The following DCAF8L2 variants were observed in gnomAD, a reference collection of about 807,000 sequenced individuals.
DCAF8L2 encodes DDB1- and CUL4-associated factor 8-like protein 2.
For missense variants in DCAF8L2, 430 were observed against 490.7 expected (o/e 0.88, Z 1.17); for synonymous variants, 200 against 190.9 (o/e 1.05, Z -0.39).
chrX:27,662,781 T>A (rs990509585), intron 2 of DCAF8L2, among the ~76,000 whole-genome samples: 19 of 111,683 alleles, frequency 1.7e-4, no homozygotes, highest in Non-Finnish European at 3.4e-4. Flanking sequence ...AAATTTATAA[T>A]CCAGATGACC....
At chrX:27,488,173 T>G in the DCAF8L2 span, among the ~76,000 whole-genome samples, 1 of 111,661 alleles carries the variant, frequency 9.0e-6, no homozygotes, top group Non-Finnish European at 1.9e-5. Context: ...TTTAGTGCTT[T>G]ATTATTACCA....
chrX:27,686,562 G>A (rs1602784), intron 3 of DCAF8L2, among the ~76,000 whole-genome samples: 10,409 of 110,795 alleles, frequency 0.094, 471 homozygotes, highest in East Asian at 0.35. Flanking sequence ...TAGAATGGTG[G>A]TTACCAGAGG....
chrX:27,582,770 A>G, the DCAF8L2 span, among the ~76,000 whole-genome samples: 1 of 111,100 alleles, frequency 9.0e-6, no homozygotes, highest in East Asian at 2.8e-4. Context: ...ATCTCTAAGT[A>G]TCGTTTGATT....
rs775167857 is a variant in DCAF8L2, at chrX:27,701,484, T to A, written c.-142-14604T>A. ...TGCCAATCTATAAAACAAGCCTCAA[T>A]AAACGTGAAAGGACTGAAATTAATA... On this transcript the variant is annotated intron_variant, in intron 3 of 4. Coordinates refer to ENST00000451261, the MANE Select transcript of DCAF8L2 (RefSeq NM_001353450.2). Among the ~76,000 whole-genome samples, 4 of 110,683 alleles carry A rather than the reference T, an allele frequency of 3.6e-5. No individual in the cohort carries two copies. In the South Asian group the frequency reaches 1.5e-3, roughly 42 times the overall value.
the DCAF8L2 span, among the ~76,000 whole-genome samples, chrX:27,512,025 G>A: frequency 7.1e-5 from 8 of 111,892 alleles, no homozygotes; most frequent in South Asian, 3.0e-3. Context: ...AACTCTTTGT[G>A]AGGCTGAGGT....
the DCAF8L2 span, among the ~76,000 whole-genome samples, chrX:27,572,342 G>A: frequency 1.2e-4 from 13 of 111,497 alleles, no homozygotes; most frequent in African/African-American, 4.2e-4. Context: ...CAGGGACACC[G>A]GGAAAGACCA....
intron 4 of DCAF8L2, among the ~76,000 whole-genome samples, chrX:27,720,098 A>G (rs1639381743): frequency 9.0e-6 from 1 of 110,709 alleles, no homozygotes; most frequent in Non-Finnish European, 1.9e-5. Flanking sequence ...TTTTTTAACC[A>G]TACAGATATC....
At chrX:27,551,381 AT>A in the DCAF8L2 span, among the ~76,000 whole-genome samples, 1 of 111,114 alleles carries the variant, frequency 9.0e-6, no homozygotes, top group African/African-American at 3.3e-5. Flanking sequence ...GATCATTATC[AT>A]TTTTAGCAAT....
At chrX:27,564,409 T>TA in the DCAF8L2 span, among the ~76,000 whole-genome samples, 1 of 111,142 alleles carries the variant, frequency 9.0e-6, no homozygotes, top group Non-Finnish European at 1.9e-5. Context: ...TTTCTGAAAA[T>TA]TTTGAATTTC....
At chrX:27,537,874 A>T in the DCAF8L2 span, among the ~76,000 whole-genome samples, 1 of 112,329 alleles carries the variant, frequency 8.9e-6, no homozygotes, top group African/African-American at 3.2e-5. Context: ...TGAGAAATTG[A>T]TATGTATTAC....
chrX:27,514,437 AG>A, the DCAF8L2 span, among the ~76,000 whole-genome samples: 1 of 108,967 alleles, frequency 9.2e-6, no homozygotes, highest in Non-Finnish European at 1.9e-5. Flanking sequence ...TGGGAGGCCA[AG>A]GCAGGCGGAT....
intron 2 of DCAF8L2, among the ~76,000 whole-genome samples, chrX:27,671,615 C>T (rs1929956374): frequency 9.0e-6 from 1 of 111,682 alleles, no homozygotes; most frequent in Non-Finnish European, 1.9e-5. Flanking sequence ...CATCCTCAGT[C>T]AGATAAAAAC....
chrX:27,615,749 A>G (rs1927443846), intron 1 of DCAF8L2, among the ~76,000 whole-genome samples: 1 of 111,525 alleles, frequency 9.0e-6, no homozygotes, highest in Admixed American at 9.6e-5. Context: ...AACATAGATC[A>G]GAGGAGAATA....
the DCAF8L2 span, among the ~76,000 whole-genome samples, chrX:27,576,421 A>G: frequency 1.1e-4 from 12 of 112,073 alleles, 1 homozygote; most frequent in African/African-American, 3.9e-4. Flanking sequence ...ATCCGGCTAT[A>G]TTAAGAGAAA....
chrX:27,518,866 A>G, the DCAF8L2 span: 1 of 552,066 alleles, frequency 1.8e-6, no homozygotes, highest in African/African-American at 2.3e-5. Flanking sequence ...GACATCTAAA[A>G]TTGGTTTTCC....
At chrX:27,615,524 A>AATCTATCTATCTATCTATCT (rs368679663) in intron 1 of DCAF8L2, among the ~76,000 whole-genome samples, 3,510 of 104,425 alleles carry the variant, frequency 0.034, 138 homozygotes, top group African/African-American at 0.11. Flanking sequence ...AGATTCTATC[A>AATCTATCTATCTATCTATCT]ATCTATCTAT....
chrX:27,523,409 A>AGTGTGT, the DCAF8L2 span, among the ~76,000 whole-genome samples: 14 of 96,533 alleles, frequency 1.5e-4, no homozygotes, highest in African/African-American at 3.4e-4. Flanking sequence ...CTGTCTACTG[A>AGTGTGT]GTGTGTGTGT....
the DCAF8L2 span, among the ~76,000 whole-genome samples, chrX:27,526,795 G>A: frequency 1.8e-5 from 2 of 112,780 alleles, no homozygotes; most frequent in African/African-American, 3.2e-5. Context: ...GTCCACTCCA[G>A]ACCCTGTTTG....
In DCAF8L2 at chrX:27,683,961, A is replaced by G. The variant is rs772653674; in HGVS notation, c.-143+6049A>G. Among the ~76,000 whole-genome samples the G allele has an allele frequency of 6.2e-5, 7 of 112,641 alleles. No homozygotes were observed. The East Asian group carries it at 2.0e-3, about 32-fold the overall frequency. ...TCAGAGCCTATGTCTAACTTAGGAT[A>G]CACCTATAGTGGAGACCTCACTGTC... On this transcript the variant is annotated intron_variant, in intron 3 of 4. Coordinates refer to ENST00000451261, the MANE Select transcript of DCAF8L2 (RefSeq NM_001353450.2).
Sources: allele counts gnomAD v4.1 joint callset (sites outside exome capture counted in the v4.1 genomes callset), GRCh38; gene constraint gnomAD v4.1.1; transcripts MANE v1.5; gene names NCBI Gene and HGNC (gene_info 2026-07-23, HGNC 2026-07-21).